PDCD10: variants seen among roughly 807,000 people sequenced by gnomAD.
PDCD10 encodes programmed cell death protein 10.
A neutral mutation model predicts 29.2 loss-of-function variants in PDCD10; 4 were observed. The observed-to-expected ratio is 0.14, with a 90% CI of 0.07 to 0.31. The LOEUF is 0.31. Among genes scored for constraint, PDCD10 ranks in the 10% least tolerant of loss-of-function variants. PDCD10 has a pLI of 1.00. For synonymous variants in PDCD10, 70 were observed against 82.2 expected (o/e 0.85, Z 0.80); for missense variants, 183 against 257.9 (o/e 0.71, Z 1.99).
intron 6 of PDCD10, among the ~76,000 whole-genome samples, chr3:167,692,227 TTAAC>T (rs1436829656): frequency 1.3e-5 from 2 of 152,240 alleles, no homozygotes; most frequent in African/African-American, 4.8e-5. Flanking sequence ...CATGTTTACT[TTAAC>T]TATACAGGGC....
In PDCD10 at chr3:167,684,160, G is replaced by T. The variant is rs911001896; in HGVS notation, c.*148C>A. ...ATTAAGCTACATTTTACAAAAATAT[G>T]GTGTAAGATGGCAATAATCCCATTC... is the stretch of plus-strand genomic sequence containing the variant. On this transcript the variant is annotated 3_prime_UTR_variant, in exon 9 of 9. Transcript: ENST00000392750. 3.3e-6 allele frequency: 2 copies of T among 602,220 alleles called. No homozygotes were observed. Among genetic ancestry groups the T allele is most frequent in the Non-Finnish European group, 6.1e-6 (2 of 328,620 alleles). The allele number at this position is 602,220 out of a possible 1,614,324, so 37.3% of individuals were successfully genotyped here. A position where few individuals can be genotyped will look rare whatever the true frequency, so the allele number is the denominator to read the frequency against.
chr3:167,725,176 G>C (rs1723966261), intron 2 of PDCD10, among the ~76,000 whole-genome samples: 1 of 150,872 alleles, frequency 6.6e-6, no homozygotes, highest in African/African-American at 2.4e-5. Flanking sequence ...GGAATTGCTT[G>C]GACCTGGAAG....
Position 167,720,262 on chromosome 3 carries a change from A to G in PDCD10, c.-105T>C. Reference sequence around the variant, plus strand: ...TGGTGATAAAAGAATTGGACACAAAAAACACACTGATCTGGTGAAAGAGGA... The same window carrying G: ...TGGTGATAAAAGAATTGGACACAAAGAACACACTGATCTGGTGAAAGAGGA... On this transcript the variant is annotated 5_prime_UTR_variant, in exon 3 of 9. Transcript: ENST00000392750. 1 of 754,576 alleles carries G rather than the reference A, an allele frequency of 1.3e-6. No individual in the cohort carries two copies. Among genetic ancestry groups the G allele is most frequent in the Non-Finnish European group, 2.4e-6 (1 of 421,926 alleles). 46.7% of individuals were successfully genotyped at this position (754,576 alleles called of 1,614,324 possible).
chr3:167,695,035 T>TGAAGG (rs1720658280), intron 6 of PDCD10, among the ~76,000 whole-genome samples: 1 of 152,206 alleles, frequency 6.6e-6, no homozygotes, highest in Non-Finnish European at 1.5e-5. Context: ...CTCTCACCCT[T>TGAAGG]CACTGTACTC....
chr3:167,705,526 C>T (rs964935980), intron 3 of PDCD10, among the ~76,000 whole-genome samples: 15 of 152,154 alleles, frequency 9.9e-5, no homozygotes, highest in African/African-American at 3.4e-4. Context: ...TGTATGGGAT[C>T]TCTAACACAT....
intron 4 of PDCD10, among the ~76,000 whole-genome samples, chr3:167,698,661 T>A (rs1422568737): frequency 6.6e-6 from 1 of 152,220 alleles, no homozygotes; most frequent in Non-Finnish European, 1.5e-5. Context: ...AAATTACATA[T>A]AATGTAGCAT....
chr3:167,728,598 C>T (rs1017217923), intron 2 of PDCD10, among the ~76,000 whole-genome samples: 2 of 152,182 alleles, frequency 1.3e-5, no homozygotes. Context: ...TGAACTGATG[C>T]ACATGGAAGT....
intron 2 of PDCD10, among the ~76,000 whole-genome samples, chr3:167,733,499 T>C (rs1725032216): frequency 6.6e-6 from 1 of 152,058 alleles, no homozygotes; most frequent in African/African-American, 2.4e-5. Flanking sequence ...AATAAAAATA[T>C]GCAAGAGCCC....
At chr3:167,705,402 T>C (rs1280023324) in intron 3 of PDCD10, among the ~76,000 whole-genome samples, 3 of 152,198 alleles carry the variant, frequency 2.0e-5, no homozygotes, top group Non-Finnish European at 2.9e-5. Flanking sequence ...GTAATCTATA[T>C]AGATTTTTAC....
intron 6 of PDCD10, among the ~76,000 whole-genome samples, chr3:167,693,826 T>A (rs932714008): frequency 6.6e-6 from 1 of 151,800 alleles, no homozygotes; most frequent in South Asian, 2.1e-4. Flanking sequence ...TGTGGTGTTG[T>A]ACACCAGTAG....
At chr3:167,704,103 A>G (rs1458357417) in intron 4 of PDCD10, among the ~76,000 whole-genome samples, 1 of 152,216 alleles carries the variant, frequency 6.6e-6, no homozygotes, top group Non-Finnish European at 1.5e-5. Flanking sequence ...ATATCCTCAA[A>G]GTATATTTAA....
At chr3:167,723,329 C>T (rs1577370426) in intron 2 of PDCD10, among the ~76,000 whole-genome samples, 1 of 152,284 alleles carries the variant, frequency 6.6e-6, no homozygotes, top group Middle Eastern at 3.4e-3. Context: ...AGGTCTGAGG[C>T]CCCCTTTGAC....
chr3:167,729,816 G>A (rs1011670730), intron 2 of PDCD10, among the ~76,000 whole-genome samples: 12 of 152,080 alleles, frequency 7.9e-5, no homozygotes, highest in African/African-American at 2.2e-4. Context: ...ATTCCCAAGG[G>A]ACCAGCCTAA....
intron 6 of PDCD10, among the ~76,000 whole-genome samples, chr3:167,692,441 G>A (rs1480595375): frequency 6.6e-6 from 1 of 152,068 alleles, no homozygotes; most frequent in East Asian, 1.9e-4. Flanking sequence ...TTCCACTTAT[G>A]GTGTCATGTC....
rs769147340 is a variant in PDCD10 at position 167,684,409 on chromosome 3, T to A, written c.558-20A>T. ...ATTGCCCTGTTTAAAAAGAAAAGAATAAGCATTAATTTCATCCAAAAAATT... is the reference window on the plus strand; with the variant it reads ...ATTGCCCTGTTTAAAAAGAAAAGAAAAAGCATTAATTTCATCCAAAAAATT... On this transcript the variant is annotated intron_variant, in intron 8 of 8. Coordinates refer to ENST00000392750, the MANE Select transcript of PDCD10 (RefSeq NM_007217.4). The A allele has an allele frequency of 2.7e-6, 4 of 1,459,624 alleles. No homozygotes were observed. The African/African-American group carries it at 4.2e-5, about 15-fold the overall frequency. The allele number at this position is 1,459,624 out of a possible 1,614,324, so 90.4% of individuals were successfully genotyped here.
At chr3:167,690,474 A>G (rs550743775) in intron 6 of PDCD10, among the ~76,000 whole-genome samples, 2 of 152,366 alleles carry the variant, frequency 1.3e-5, no homozygotes, top group African/African-American at 4.8e-5. Flanking sequence ...GCAAATGCAG[A>G]TTACAAACAG....
chr3:167,710,881 A>G (rs1177991679), intron 3 of PDCD10, among the ~76,000 whole-genome samples: 1 of 152,194 alleles, frequency 6.6e-6, no homozygotes, highest in Non-Finnish European at 1.5e-5. Context: ...TGTTTGGGAG[A>G]AAGTAAGGAA....
chr3:167,725,954 T>C (rs1010672138), intron 2 of PDCD10, among the ~76,000 whole-genome samples: 2 of 150,916 alleles, frequency 1.3e-5, no homozygotes, highest in Admixed American at 6.6e-5. Context: ...ATTTCACCTC[T>C]CTATCCTTTG....
chr3:167,696,940 A>T (rs1720878749), intron 5 of PDCD10, 69 bp downstream of exon 5: 5 of 852,758 alleles, frequency 5.9e-6, no homozygotes, highest in Non-Finnish European at 1.0e-5. Flanking sequence ...CTTTGGTCAA[A>T]TAATAATGAT....
Sources: allele counts gnomAD v4.1 joint callset (sites outside exome capture counted in the v4.1 genomes callset), GRCh38; gene constraint gnomAD v4.1.1; transcripts MANE v1.5; gene names NCBI Gene and HGNC (gene_info 2026-07-23, HGNC 2026-07-21).